Variants in EIF3B observed in about 807,000 individuals in gnomAD.
EIF3B encodes eukaryotic translation initiation factor 3 subunit B, also known as eukaryotic translation initiation factor 3 subunit 9.
EIF3B carries 10 observed loss-of-function variants against 104.6 expected under a neutral mutation model. The observed-to-expected ratio is 0.10, with a 90% CI of 0.06 to 0.16. The LOEUF is 0.16. Ranked by LOEUF, EIF3B falls within the 10% of genes least tolerant of loss-of-function variation. The probability of loss-of-function intolerance (pLI) is 1.00; values close to 1 mark genes in which losing one functional copy is unlikely to be tolerated. For missense variants in EIF3B, 1,014 were observed against 1,087.9 expected, an observed-to-expected ratio of 0.93 and a Z score of 0.96; for synonymous variants, 542 against 417.2, an observed-to-expected ratio of 1.30 and a Z score of -3.65.
At chr7:2,374,060 G>T (rs1188292643) in intron 12 of EIF3B, 1 of 153,790 alleles carries the variant, frequency 6.5e-6, no homozygotes, top group Non-Finnish European at 1.4e-5. Flanking sequence ...ACTTCTCACT[G>T]TTCCAGCGGC....
At chr7:2,371,650 G>C (rs1402138223) in intron 10 of EIF3B, 127 bp from the exon 11 acceptor site, 3 of 753,020 alleles carry the variant, frequency 4.0e-6, no homozygotes, top group Non-Finnish European at 6.9e-6. Context: ...TTTCATCACT[G>C]CACATGCTCG....
chr7:2,357,441 A>T (rs1779508151), intron 1 of EIF3B, among the ~76,000 whole-genome samples: 1 of 152,202 alleles, frequency 6.6e-6, no homozygotes, highest in Non-Finnish European at 1.5e-5. Flanking sequence ...GCAAGACCGT[A>T]GGTGACTGTA....
rs1325953453 is a variant in EIF3B, at chr7:2,380,457, C to T, written c.*268C>T. On this transcript the variant is annotated 3_prime_UTR_variant, in exon 19 of 19. Transcript: ENST00000360876. ...GGGGGATTTAAGGCACCCGCTTCCACTTCTTTCTTGTTTGGAGTTTTCTGT... is the reference window on the plus strand; with the variant it reads ...GGGGGATTTAAGGCACCCGCTTCCATTTCTTTCTTGTTTGGAGTTTTCTGT... 2.0e-6 allele frequency: 1 copy of T among 510,074 alleles called. No homozygotes were observed. Among genetic ancestry groups the T allele is most frequent in the Non-Finnish European group, 3.9e-6 (1 of 255,886 alleles). 31.6% of individuals were successfully genotyped at this position (510,074 alleles called of 1,614,324 possible). A position where few individuals can be genotyped will look rare whatever the true frequency, so the allele number is the denominator to read the frequency against.
rs765831000 is a variant in EIF3B at position 2,378,685 on chromosome 7, T to G, written c.2155-4T>G. On this transcript the variant is annotated splice_polypyrimidine_tract_variant and splice_region_variant and intron_variant, in intron 15 of 18. Coordinates refer to ENST00000360876, the MANE Select transcript of EIF3B (RefSeq NM_001037283.2). ...AATCCTGAGTGATGGGTCTTTTGTT[T>G]CAGCAAATTAAAAAGGATCTGAAGA... The G allele has an allele frequency of 1.9e-6, 3 of 1,613,466 alleles. No individual in the cohort carries two copies. The highest frequency in any genetic ancestry group is 2.5e-6 in the Non-Finnish European group (3 of 1,179,418).
intron 2 of EIF3B, 57 bp from the exon 3 acceptor site, chr7:2,362,588 C>CCTACAGTGTG (rs1562478648): frequency 1.2e-6 from 2 of 1,606,672 alleles, no homozygotes; most frequent in African/African-American, 2.7e-5. Context: ...GGGCGGACAG[C>CCTACAGTGTG]GCATACCTGC....
intron 6 of EIF3B, among the ~76,000 whole-genome samples, chr7:2,364,767 G>T (rs899369616): frequency 6.6e-5 from 10 of 152,206 alleles, no homozygotes; most frequent in African/African-American, 2.2e-4. Context: ...TGTCCCTTTA[G>T]CCCTGAATGT....
chr7:2,363,481 G>A, intron 4 of EIF3B, 151 bp from the exon 5 acceptor site: 1 of 714,020 alleles, frequency 1.4e-6, no homozygotes. Context: ...AAAAAAAAAA[G>A]AAATGCTAGA....
upstream of EIF3B, chr7:2,354,776 G>T (rs1406111712): frequency 1.5e-5 from 12 of 785,696 alleles, no homozygotes; most frequent in Non-Finnish European, 1.7e-5. Flanking sequence ...CCCAGGGCGT[G>T]GGTGCGCCCC....
chr7:2,363,028 G>A, intron 3 of EIF3B, 42 bp from the exon 4 acceptor site: 1 of 1,608,342 alleles, frequency 6.2e-7, no homozygotes, highest in Non-Finnish European at 8.5e-7. Flanking sequence ...GCTCTTTCTA[G>A]TCGTCAGGGC....
At position 2,375,389 on chromosome 7, in the gene EIF3B, T is replaced by C; in HGVS notation, c.1890T>C (p.Ser630=). ...GQFVVLAGLR[S]MNGALAFVDT... is the part of the protein sequence containing the mutation. ...CTGACGGTCCTGTCTGTCTTTGCAG[T>C]ATGAACGGTGCCTTAGCGTTTGTGG... Residue 630 remains serine (S), a splice_region_variant and synonymous_variant, in exon 14 of 19, where the codon AGT becomes AGC. Coordinates refer to ENST00000360876, the MANE Select transcript of EIF3B (RefSeq NM_001037283.2). 1 of 1,614,224 alleles carries C rather than the reference T, an allele frequency of 6.2e-7. No homozygotes were observed. Among genetic ancestry groups the C allele is most frequent in the Non-Finnish European group, 8.5e-7 (1 of 1,180,022 alleles).
chr7:2,362,931 A>G, intron 3 of EIF3B, 139 bp from the exon 4 acceptor site: 2 of 1,426,642 alleles, frequency 1.4e-6, no homozygotes, highest in South Asian at 1.2e-5. Context: ...CTTCTGGCCT[A>G]CAGCACCCCT....
chr7:2,371,664 G>A, intron 10 of EIF3B, 113 bp from the exon 11 acceptor site: 2 of 834,648 alleles, frequency 2.4e-6, no homozygotes, highest in Non-Finnish European at 4.1e-6. Context: ...ATGCTCGTGT[G>A]TGAACCAGGC....
chr7:2,361,026 C>G (rs900675889), intron 2 of EIF3B, 124 bp downstream of exon 2: 1 of 684,698 alleles, frequency 1.5e-6, no homozygotes, highest in Non-Finnish European at 2.4e-6. Context: ...TTCACTTCTT[C>G]AGGCCGCCCT....
At chr7:2,369,740 C>T (rs1028222607) in intron 10 of EIF3B, 58 bp downstream of exon 10, 102 of 1,270,064 alleles carry the variant, frequency 8.0e-5, no homozygotes, top group Middle Eastern at 7.2e-4. Context: ...AAGTGGCCAC[C>T]GTATTGTTTG....
At chr7:2,361,186 G>A (rs1437647803) in intron 2 of EIF3B, among the ~76,000 whole-genome samples, 1 of 152,194 alleles carries the variant, frequency 6.6e-6, no homozygotes, top group Non-Finnish European at 1.5e-5. Context: ...GAGGCCAGGA[G>A]TTGGAGGCTG....
At chr7:2,375,183 G>T (rs1409404042) in intron 13 of EIF3B, 6 of 552,262 alleles carry the variant, frequency 1.1e-5, no homozygotes, top group Non-Finnish European at 1.9e-5. Context: ...ATAATATGAT[G>T]GCAGTCATAT....
chr7:2,370,758 C>G (rs892729956), intron 10 of EIF3B, among the ~76,000 whole-genome samples: 2 of 151,818 alleles, frequency 1.3e-5, no homozygotes, highest in Non-Finnish European at 2.9e-5. Context: ...CAGTGAGACC[C>G]CATCTCCACA....
Position 2,370,987 on chromosome 7 carries a change from C to T in EIF3B, c.1615-790C>T, listed in dbSNP as rs935766006. On this transcript the variant is annotated intron_variant, in intron 10 of 18. Transcript: ENST00000360876. ...CTGAGGCAGGAGAATGGCGTGAACC[C>T]GGGAGGCGGAGCTTGCAGTGAGCCG... is the stretch of plus-strand genomic sequence containing the variant. Among the ~76,000 whole-genome samples, 32 of 152,148 alleles carry T rather than the reference C, an allele frequency of 2.1e-4. 1 individual carries two copies. The highest frequency in any genetic ancestry group is 9.7e-4 in the East Asian group (5 of 5,164).
At chr7:2,363,816 A>G (rs373274408) in intron 5 of EIF3B, 56 bp downstream of exon 5, 8 of 1,561,648 alleles carry the variant, frequency 5.1e-6, no homozygotes, top group Middle Eastern at 3.4e-4. Context: ...TTTCCTTAAC[A>G]AAGTGGAACT....
Sources: allele counts gnomAD v4.1 joint callset (sites outside exome capture counted in the v4.1 genomes callset), GRCh38; gene constraint gnomAD v4.1.1; transcripts MANE v1.5; gene names NCBI Gene and HGNC (gene_info 2026-07-23, HGNC 2026-07-21).